Variants in TSNAX observed in about 807,000 individuals in gnomAD.
TSNAX encodes translin associated factor X, also known as translin-associated protein X.
In TSNAX, 12 loss-of-function variants were observed where a neutral mutation model predicts 33.0. The ratio of observed to expected loss-of-function variants is 0.36; its 90% confidence interval spans 0.23 to 0.59. The LOEUF (loss-of-function observed/expected upper bound fraction) is 0.59, where lower values mean the gene tolerates loss of function less well. TSNAX is among the 20% of genes least tolerant of loss of function. The pLI is 0.74. For synonymous variants in TSNAX, 110 were observed against 117.2 expected (o/e 0.94, Z 0.40); for missense variants, 267 against 341.3 (o/e 0.78, Z 1.72).
intron 2 of TSNAX, among the ~76,000 whole-genome samples, chr1:231,530,052 T>C (rs1378408359): frequency 6.6e-6 from 1 of 152,222 alleles, no homozygotes; most frequent in African/African-American, 2.4e-5. Flanking sequence ...TGCAACCAGC[T>C]CTCTGTTCCT....
chr1:231,536,522 T>G (rs1659187347), intron 2 of TSNAX: 2 of 152,230 alleles, frequency 1.3e-5, no homozygotes, highest in African/African-American at 4.8e-5. Flanking sequence ...TGACAGATTT[T>G]TAGAAAATCT....
rs188164246 is a variant in TSNAX at position 231,530,763 on chromosome 1, C to T, written c.121+1404C>T. Among the ~76,000 whole-genome samples, 20 of 151,392 alleles carry T rather than the reference C, an allele frequency of 1.3e-4. No homozygotes were observed. The East Asian group carries it at 2.0e-3, about 15-fold the overall frequency. On this transcript the variant is annotated intron_variant, in intron 2 of 5. Transcript: ENST00000366639. ...ATTAGTTGGTCGTAGTGGGAGGTGC[C>T]TGTAATCCCAGCTACTCGGGAGGCT...
intron 4 of TSNAX, among the ~76,000 whole-genome samples, chr1:231,556,776 T>C (rs1660723836): frequency 6.6e-6 from 1 of 152,228 alleles, no homozygotes; most frequent in Non-Finnish European, 1.5e-5. Flanking sequence ...TATTTTTTGC[T>C]CAACATGCAT....
rs1217066089 is a variant in TSNAX, at chr1:231,536,864, C to T, written c.122-349C>T. ...TTTTCTTTTTTTTGAGACGGAGTCT[C>T]GCTCTGTCACCAGGCTGGAGTGCAG... On this transcript the variant is annotated intron_variant, in intron 2 of 5. Coordinates refer to ENST00000366639, the MANE Select transcript of TSNAX (RefSeq NM_005999.3). 3.1e-5 allele frequency: 5 copies of T among 160,874 alleles called. No homozygotes were observed. In the East Asian group the frequency reaches 8.6e-4, roughly 28 times the overall value. 10.0% of individuals were successfully genotyped at this position (160,874 alleles called of 1,614,324 possible).
intron 2 of TSNAX, among the ~76,000 whole-genome samples, chr1:231,533,401 C>G (rs989252609): frequency 2.0e-5 from 3 of 152,088 alleles, no homozygotes; most frequent in Non-Finnish European, 4.4e-5. Context: ...GCGCCCGGCC[C>G]GGAAAGTCTT....
At chr1:231,542,978 ACCAGCCTGG>A (rs1448791599) in intron 4 of TSNAX, 1 of 154,572 alleles carries the variant, frequency 6.5e-6, no homozygotes, top group Non-Finnish European at 1.4e-5. Context: ...GGAGTTCGAG[ACCAGCCTGG>A]CCAAGATGGT....
Position 231,542,624 on chromosome 1 carries a change from T to C in TSNAX, c.367+13T>C. 4 of 1,612,002 alleles carry C rather than the reference T, an allele frequency of 2.5e-6. No individual in the cohort carries two copies. The South Asian group carries it at 4.4e-5, about 18-fold the overall frequency. The stretch of plus-strand genomic sequence containing the variant: ...GCCATTACTACAGGTAAGTCTAGGT[T>C]TGTTTCAGGGTAATATATATTTTAA... On this transcript the variant is annotated intron_variant, in intron 4 of 5. Coordinates refer to ENST00000366639, the MANE Select transcript of TSNAX (RefSeq NM_005999.3).
intron 4 of TSNAX, among the ~76,000 whole-genome samples, chr1:231,554,443 G>A (rs911336304): frequency 3.3e-5 from 5 of 152,170 alleles, no homozygotes; most frequent in South Asian, 2.1e-4. Flanking sequence ...GAGCAAAGTC[G>A]TCTGGGCATT....
chr1:231,565,148 AACCTTTATCATTT>A lies in TSNAX; in HGVS notation c.*245_*257del, dbSNP rs2124954262. 3 of 423,956 alleles carry A rather than the reference AACCTTTATCATTT, an allele frequency of 7.1e-6. No homozygotes were observed. In the East Asian group the frequency reaches 1.3e-4, roughly 18 times the overall value. 26.3% of individuals were successfully genotyped at this position (423,956 alleles called of 1,614,324 possible). On this transcript the variant is annotated 3_prime_UTR_variant, in exon 6 of 6. Transcript: ENST00000366639. The stretch of plus-strand genomic sequence containing the variant: ...ATGCCTTTTTGAATTTTTGCTGGTT[AACCTTTATCATTT>A]ATCTTTGTAATGTGAACATGCTTCA...
chr1:231,536,688 A>G (rs549963715), intron 2 of TSNAX: 1 of 152,270 alleles, frequency 6.6e-6, no homozygotes, highest in Non-Finnish European at 1.5e-5. Context: ...ATATTTGACA[A>G]TTAACACTAG....
chr1:231,543,411 C>CT (rs1659704385), intron 4 of TSNAX, among the ~76,000 whole-genome samples: 1 of 151,804 alleles, frequency 6.6e-6, no homozygotes, highest in African/African-American at 2.4e-5. Flanking sequence ...CAGTTTACTG[C>CT]TTGAGCATCT....
rs1661410091 is a variant in TSNAX, at chr1:231,566,035, T to C, written c.*1130T>C. 1 of 152,228 alleles carries C rather than the reference T, an allele frequency of 6.6e-6. No individual in the cohort carries two copies. The highest frequency in any genetic ancestry group is 2.1e-4 in the South Asian group (1 of 4,834). 9.4% of individuals were successfully genotyped at this position (152,228 alleles called of 1,614,324 possible). A position where few individuals can be genotyped will look rare whatever the true frequency, so the allele number is the denominator to read the frequency against. On this transcript the variant is annotated 3_prime_UTR_variant, in exon 6 of 6. Coordinates refer to ENST00000366639, the MANE Select transcript of TSNAX (RefSeq NM_005999.3). ...TTGTTTTTGTTATATTAGGCATGTT[T>C]GGAGGCTTTCCTATTCTAGCATTTA...
At position 231,540,105 on chromosome 1, in the gene TSNAX, C is replaced by T. The variant is rs141766178; in HGVS notation, c.237-2376C>T. Among the ~76,000 whole-genome samples, 204 of 137,816 alleles carry T rather than the reference C, an allele frequency of 1.5e-3. 2 individuals carry two copies. The East Asian group carries it at 0.025, about 17-fold the overall frequency. The allele number at this position is 137,816 out of a possible 152,430, so 90.4% of individuals were successfully genotyped here. The stretch of plus-strand genomic sequence containing the variant: ...AGGAGAATTGCTTGAACTCAGGAAG[C>T]GGAGGTTGCTTGAACTCAGAATTGT... On this transcript the variant is annotated intron_variant, in intron 3 of 5. Coordinates refer to ENST00000366639, the MANE Select transcript of TSNAX (RefSeq NM_005999.3).
chr1:231,560,255 A>G (rs1469260431), intron 4 of TSNAX, among the ~76,000 whole-genome samples: 2 of 152,068 alleles, frequency 1.3e-5, no homozygotes, highest in Non-Finnish European at 2.9e-5. Flanking sequence ...CTGGGATTAC[A>G]GGCGTGAGCC....
chr1:231,559,985 A>T (rs61052587), intron 4 of TSNAX, among the ~76,000 whole-genome samples: 19,752 of 141,992 alleles, frequency 0.14, 1,431 homozygotes, highest in South Asian at 0.2. Context: ...TATTATTATT[A>T]TTTTTTTTTT....
At chr1:231,560,744 T>A (rs955462989) in intron 4 of TSNAX, among the ~76,000 whole-genome samples, 9 of 150,056 alleles carry the variant, frequency 6.0e-5, no homozygotes, top group Admixed American at 6.6e-5. Context: ...AAATCCTAAT[T>A]ACTTAAACTC....
intron 2 of TSNAX, among the ~76,000 whole-genome samples, chr1:231,533,082 T>C (rs577140068): frequency 1.0e-3 from 158 of 151,798 alleles, no homozygotes; most frequent in African/African-American, 3.6e-3. Flanking sequence ...TTTTTTTTTT[T>C]TTGAGATGGA....
chr1:231,529,197 G>A, intron 1 of TSNAX, 58 bp from the exon 2 acceptor site: 1 of 1,562,814 alleles, frequency 6.4e-7, no homozygotes, highest in East Asian at 2.2e-5. Context: ...TGTCTATGTT[G>A]TGTTTTGCAA....
intron 4 of TSNAX, among the ~76,000 whole-genome samples, chr1:231,544,789 G>A (rs1420932552): frequency 1.3e-5 from 2 of 152,208 alleles, no homozygotes; most frequent in Non-Finnish European, 2.9e-5. Context: ...AAAGGTGAAA[G>A]GGAAATATTC....
Sources: allele counts gnomAD v4.1 joint callset (sites outside exome capture counted in the v4.1 genomes callset), GRCh38; gene constraint gnomAD v4.1.1; transcripts MANE v1.5; gene names NCBI Gene and HGNC (gene_info 2026-07-23, HGNC 2026-07-21).